The following WDR7 variants were observed in gnomAD, a reference collection of about 807,000 sequenced individuals.
The protein encoded by WDR7 is WD repeat-containing protein 7.
Under a neutral mutation model 169.4 loss-of-function variants are expected in WDR7, and 46 were observed. The ratio of observed to expected loss-of-function variants is 0.27; its 90% CI spans 0.21 to 0.35. The LOEUF is 0.35. Among genes scored for constraint, WDR7 ranks in the 10% least tolerant of loss-of-function variants. The probability of loss-of-function intolerance (pLI) is 1.00; values close to 1 mark genes in which losing one functional copy is unlikely to be tolerated. For synonymous variants in WDR7, 612 were observed against 666.8 expected (o/e 0.92, Z 1.27); for missense variants, 1,534 against 1,859.3 (o/e 0.83, Z 3.22).
intron 25 of WDR7, among the ~76,000 whole-genome samples, chr18:56,953,564 G>A (rs981696747): frequency 1.3e-5 from 2 of 152,242 alleles, no homozygotes; most frequent in Non-Finnish European, 2.9e-5. Flanking sequence ...GCTATGCTGG[G>A]CCTGTCAGGC....
At chr18:57,031,054 C>T (rs554543907), downstream of WDR7, 6 of 152,298 alleles carry the variant, frequency 3.9e-5, no homozygotes, top group East Asian at 1.2e-3. Context: ...AGACTTCCTG[C>T]TTCTGTACAC....
intron 22 of WDR7, 29 bp downstream of exon 22, chr18:56,924,137 T>C (rs2046769102): frequency 6.2e-7 from 1 of 1,604,380 alleles, no homozygotes. Context: ...TAATTTAATT[T>C]GTCACTGTTT....
chr18:56,721,795 C>G (rs368511346), intron 13 of WDR7: 3 of 152,224 alleles, frequency 2.0e-5, no homozygotes, highest in Non-Finnish European at 4.4e-5. Context: ...CATTACCAAG[C>G]CTAAACCACA....
intron 2 of WDR7, among the ~76,000 whole-genome samples, chr18:56,674,761 A>C (rs985645847): frequency 6.6e-6 from 1 of 152,078 alleles, no homozygotes; most frequent in African/African-American, 2.4e-5. Flanking sequence ...GGTCATGAAG[A>C]TTTATCCCTG....
chr18:56,994,952 C>T (rs1158504940), intron 26 of WDR7, among the ~76,000 whole-genome samples: 4 of 152,176 alleles, frequency 2.6e-5, no homozygotes, highest in Non-Finnish European at 4.4e-5. Flanking sequence ...GTGCATTTCT[C>T]ACGTGAATTA....
At position 56,666,861 on chromosome 18, in the gene WDR7, A is replaced by G. The variant is rs901049812; in HGVS notation, c.-19-5636A>G. On this transcript the variant is annotated intron_variant, in intron 1 of 27. Coordinates refer to ENST00000254442, the MANE Select transcript of WDR7 (RefSeq NM_015285.3). ...AAAATCCCCTGGATGGTAACCAGCTATACTCTCCATTCTGGATTGGGAAAC... is the reference window on the plus strand; with the variant it reads ...AAAATCCCCTGGATGGTAACCAGCTGTACTCTCCATTCTGGATTGGGAAAC... Among the ~76,000 whole-genome samples, 4 of 149,946 alleles carry G rather than the reference A, an allele frequency of 2.7e-5. No homozygotes were observed. The South Asian group carries it at 6.3e-4, about 24-fold the overall frequency.
At chr18:56,797,898 T>C (rs910507516) in intron 19 of WDR7, among the ~76,000 whole-genome samples, 4 of 152,206 alleles carry the variant, frequency 2.6e-5, no homozygotes, top group African/African-American at 9.6e-5. Flanking sequence ...ATCTTCATCT[T>C]CCCTTGGGCG....
chr18:56,767,477 A>G (rs1338342153), intron 16 of WDR7, among the ~76,000 whole-genome samples: 5 of 152,166 alleles, frequency 3.3e-5, no homozygotes, highest in Non-Finnish European at 7.3e-5. Context: ...TGGGGTAATC[A>G]TAGGATCACA....
intron 26 of WDR7, among the ~76,000 whole-genome samples, chr18:56,988,635 G>GTA (rs1555721974): frequency 2.2e-5 from 3 of 138,400 alleles, no homozygotes; most frequent in East Asian, 2.0e-4. Flanking sequence ...GTGTGTGTGT[G>GTA]TATAGAGTCG....
intron 13 of WDR7, among the ~76,000 whole-genome samples, chr18:56,727,328 T>C (rs1442782014): frequency 6.6e-6 from 1 of 151,124 alleles, no homozygotes; most frequent in Non-Finnish European, 1.5e-5. Flanking sequence ...TAAAAACAGG[T>C]TTAGTTGGGA....
intron 26 of WDR7, among the ~76,000 whole-genome samples, chr18:56,975,601 AG>A (rs139354043): frequency 0.015 from 2,217 of 152,268 alleles, 15 homozygotes; most frequent in African/African-American, 0.026. Context: ...ATAAAAGATC[AG>A]CCCTCTTTTT....
intron 21 of WDR7, among the ~76,000 whole-genome samples, chr18:56,913,934 C>T (rs995904063): frequency 1.3e-5 from 2 of 152,190 alleles, no homozygotes; most frequent in East Asian, 1.9e-4. Flanking sequence ...TGCCCCACTA[C>T]GGTCTATTCC....
chr18:56,879,697 CTTAGAGTTGTT>C (rs557425791), intron 20 of WDR7, among the ~76,000 whole-genome samples: 70 of 152,078 alleles, frequency 4.6e-4, no homozygotes, highest in African/African-American at 1.5e-3. Flanking sequence ...ATGTTGCCTT[CTTAGAGTTGTT>C]TTTTGTTTTA....
intron 14 of WDR7, among the ~76,000 whole-genome samples, chr18:56,744,245 G>GAAAA (rs58110613): frequency 3.0e-3 from 264 of 86,816 alleles, no homozygotes; most frequent in Middle Eastern, 0.021. Flanking sequence ...TCTCAAAAAA[G>GAAAA]AAAAAAAAAA....
rs747762355 is a variant in WDR7, at chr18:56,691,396, A to G, written c.863+35A>G. 4.5e-6 allele frequency: 7 copies of G among 1,541,226 alleles called. No individual in the cohort carries two copies. In the South Asian group the frequency reaches 8.8e-5, roughly 19 times the overall value. On this transcript the variant is annotated intron_variant, in intron 8 of 27. Transcript: ENST00000254442. ...AAGTAATAAATTAGGACAGTCATCA[A>G]AAGTAAAAGATTCAGAATTTAGGGT...
intron 12 of WDR7, among the ~76,000 whole-genome samples, chr18:56,706,695 A>T (rs530423240): frequency 2.5e-4 from 38 of 149,478 alleles, no homozygotes; most frequent in South Asian, 4.2e-4. Flanking sequence ...TTTTATTTTT[A>T]TTTTTTTTTT....
chr18:56,781,734 T>C, intron 19 of WDR7, 78 bp downstream of exon 19: 1 of 1,320,768 alleles, frequency 7.6e-7, no homozygotes, highest in Non-Finnish European at 9.8e-7. Context: ...ATATATATGC[T>C]ACTACCCATC....
At chr18:56,714,574 G>A (rs1055091758) in intron 12 of WDR7, among the ~76,000 whole-genome samples, 10 of 150,878 alleles carry the variant, frequency 6.6e-5, no homozygotes, top group Non-Finnish European at 1.2e-4. Context: ...CCTCCCCATC[G>A]GCTACTGTTT....
intron 27 of WDR7, among the ~76,000 whole-genome samples, chr18:57,021,907 G>T (rs1349773648): frequency 1.3e-5 from 2 of 152,156 alleles, no homozygotes; most frequent in East Asian, 3.9e-4. Context: ...AATGTAAAAT[G>T]GATACAATAA....
Sources: gnomAD v4.1 joint callset for allele counts (sites outside exome capture counted in the v4.1 genomes callset) on GRCh38, gnomAD v4.1.1 for gene constraint, MANE v1.5 for transcripts, NCBI Gene and HGNC (gene_info 2026-07-23, HGNC 2026-07-21) for gene names.